The following LRRC4C variants were observed in gnomAD, a reference collection of about 807,000 sequenced individuals.
LRRC4C encodes leucine rich repeat containing 4C, also known as leucine-rich repeat-containing protein 4C.
LRRC4C carries 5 observed loss-of-function variants against 33.6 expected under a neutral mutation model. The ratio of observed to expected loss-of-function variants is 0.15; its 90% CI spans 0.08 to 0.31. The LOEUF (loss-of-function observed/expected upper bound fraction) is 0.31. Ranked by LOEUF, LRRC4C falls within the 10% of genes least tolerant of loss-of-function variation. The pLI is 1.00. For synonymous variants in LRRC4C, 329 were observed against 302.0 expected, an observed-to-expected ratio of 1.09 and a Z score of -0.93; for missense variants, 560 against 796.7, an observed-to-expected ratio of 0.70 and a Z score of 3.58.
chr11:40,633,872 A>T lies in LRRC4C; in HGVS notation c.-270+14270T>A, dbSNP rs117129689. The stretch of plus-strand genomic sequence containing the variant: ...TTATGTGAGTATTTTGTAGGCAAAA[A>T]ATCAATGAAGTTATAAAAATGAAAT... On this transcript the variant is annotated intron_variant, in intron 3 of 6. Transcript: ENST00000528697. 5.2e-3 allele frequency among the ~76,000 whole-genome samples: 791 copies of T among 152,336 alleles called. 2 individuals carry two copies. The highest frequency in any genetic ancestry group is 8.3e-3 in the Non-Finnish European group (562 of 68,032).
intron 1 of LRRC4C, among the ~76,000 whole-genome samples, chr11:40,947,899 T>C (rs1012258324): frequency 2.0e-5 from 3 of 152,154 alleles, no homozygotes; most frequent in African/African-American, 7.2e-5. Context: ...CCCTCCATAA[T>C]TGTCTCTCAG....
chr11:40,619,559 G>A (rs1381094622), intron 3 of LRRC4C, among the ~76,000 whole-genome samples: 1 of 151,650 alleles, frequency 6.6e-6, no homozygotes, highest in Admixed American at 6.6e-5. Flanking sequence ...ATGTATGAAT[G>A]CACATCACTA....
At chr11:40,483,907 C>A (rs1953721695) in intron 3 of LRRC4C, among the ~76,000 whole-genome samples, 1 of 151,460 alleles carries the variant, frequency 6.6e-6, no homozygotes, top group Admixed American at 6.6e-5. Flanking sequence ...AAAGCATTTC[C>A]AGAAAACAAA....
chr11:40,885,694 T>C (rs934835181), intron 2 of LRRC4C, among the ~76,000 whole-genome samples: 3 of 152,076 alleles, frequency 2.0e-5, no homozygotes, highest in Non-Finnish European at 4.4e-5. Flanking sequence ...AGGTAGATTT[T>C]TGGAGTACAT....
At chr11:41,176,486 T>A (rs925819096) in intron 1 of LRRC4C, among the ~76,000 whole-genome samples, 3 of 152,204 alleles carry the variant, frequency 2.0e-5, no homozygotes, top group African/African-American at 7.2e-5. Flanking sequence ...TCAACAAATT[T>A]ATTGCATAAC....
At chr11:40,148,070 A>T (rs1857892984) in intron 5 of LRRC4C, among the ~76,000 whole-genome samples, 1 of 152,154 alleles carries the variant, frequency 6.6e-6, no homozygotes, top group African/African-American at 2.4e-5. Flanking sequence ...CTATGGCTGC[A>T]TAGTATTCTA....
At chr11:41,258,716 G>T (rs1948881801) in intron 1 of LRRC4C, among the ~76,000 whole-genome samples, 2 of 151,882 alleles carry the variant, frequency 1.3e-5, no homozygotes, top group African/African-American at 2.4e-5. Flanking sequence ...TAGTTTCACT[G>T]GGATTAAATA....
intron 1 of LRRC4C, among the ~76,000 whole-genome samples, chr11:41,357,299 A>T (rs913916504): frequency 6.6e-6 from 1 of 152,260 alleles, no homozygotes; most frequent in Admixed American, 6.5e-5. Context: ...TATGTAGATA[A>T]TTTTTTTAAT....
At chr11:40,671,687 T>C (rs1944125120) in intron 2 of LRRC4C, among the ~76,000 whole-genome samples, 2 of 38,242 alleles carry the variant, frequency 5.2e-5, no homozygotes, top group African/African-American at 3.3e-4. Context: ...GTAGTATATA[T>C]ATATGTGTGT....
intron 3 of LRRC4C, among the ~76,000 whole-genome samples, chr11:40,356,709 G>A (rs1377712464): frequency 1.3e-5 from 2 of 152,110 alleles, no homozygotes; most frequent in African/African-American, 4.8e-5. Context: ...GGGTAACTTG[G>A]TACTGGGGAT....
intron 3 of LRRC4C, among the ~76,000 whole-genome samples, chr11:40,447,642 G>A (rs1951697963): frequency 1.3e-5 from 2 of 152,150 alleles, no homozygotes; most frequent in African/African-American, 4.8e-5. Flanking sequence ...TTGTTGAAAA[G>A]TAAACAATCA....
intron 4 of LRRC4C, among the ~76,000 whole-genome samples, chr11:40,303,131 T>C (rs1335660070): frequency 6.6e-6 from 1 of 152,002 alleles, no homozygotes; most frequent in Non-Finnish European, 1.5e-5. Flanking sequence ...CCAGAGGCAG[T>C]ATGCAGATGA....
intron 3 of LRRC4C, among the ~76,000 whole-genome samples, chr11:40,337,414 T>C (rs1231166484): frequency 3.3e-5 from 5 of 152,154 alleles, no homozygotes; most frequent in Non-Finnish European, 7.3e-5. Context: ...GAGATATCAT[T>C]TATGAAGCTA....
intron 4 of LRRC4C, among the ~76,000 whole-genome samples, chr11:40,274,414 G>GACACACACACACACAC (rs758404396): frequency 4.7e-5 from 3 of 63,176 alleles, no homozygotes; most frequent in Non-Finnish European, 9.9e-5. Flanking sequence ...CTGCGGAATA[G>GACACACACACACACAC]ACACACACAT....
intron 4 of LRRC4C, among the ~76,000 whole-genome samples, chr11:40,295,566 T>A (rs745912179): frequency 4.6e-5 from 7 of 152,216 alleles, no homozygotes; most frequent in Non-Finnish European, 7.3e-5. Context: ...TTTCCTCTTC[T>A]GTTCCCATTA....
chr11:41,199,458 T>G (rs889764923), intron 1 of LRRC4C, among the ~76,000 whole-genome samples: 1 of 152,094 alleles, frequency 6.6e-6, no homozygotes, highest in African/African-American at 2.4e-5. Context: ...ATTAATTGAA[T>G]AGAGCATTTC....
chr11:41,363,437 G>A (rs1317456161), intron 1 of LRRC4C, among the ~76,000 whole-genome samples: 4 of 152,090 alleles, frequency 2.6e-5, no homozygotes, highest in African/African-American at 7.2e-5. Context: ...TCTGTATATC[G>A]CTAATCTTCA....
intron 1 of LRRC4C, among the ~76,000 whole-genome samples, chr11:41,288,408 A>G (rs1213865499): frequency 1.3e-5 from 2 of 152,148 alleles, no homozygotes; most frequent in African/African-American, 4.8e-5. Context: ...TAGATCAGAA[A>G]CTGGGGAGAG....
intron 1 of LRRC4C, among the ~76,000 whole-genome samples, chr11:41,305,045 T>TGG (rs555211844): frequency 0.011 from 23 of 2,086 alleles, 2 homozygotes; most frequent in South Asian, 0.036. Flanking sequence ...GGGAGGGAGG[T>TGG]GGGGGGGGGG....
Sources: allele counts gnomAD v4.1 joint callset (sites outside exome capture counted in the v4.1 genomes callset), GRCh38; gene constraint gnomAD v4.1.1; transcripts MANE v1.5; gene names NCBI Gene and HGNC (gene_info 2026-07-23, HGNC 2026-07-21).